The following FILIP1 variants were observed in gnomAD, a reference collection of about 807,000 sequenced individuals.
FILIP1 encodes filamin A interacting protein 1, also known as filamin-A-interacting protein 1.
FILIP1 carries 61 observed loss-of-function variants against 102.1 expected under a neutral mutation model. The ratio of observed to expected loss-of-function variants is 0.60; its 90% CI spans 0.49 to 0.74. The LOEUF (loss-of-function observed/expected upper bound fraction) is 0.74, where lower values mean the gene tolerates loss of function less well. Among genes scored for constraint, FILIP1 ranks in the 30% least tolerant of loss-of-function variants. FILIP1 has a pLI of 0.00. For missense variants in FILIP1, 1,314 were observed against 1,441.2 expected, an observed-to-expected ratio of 0.91 and a Z score of 1.43; for synonymous variants, 491 against 526.9, an observed-to-expected ratio of 0.93 and a Z score of 0.93.
chr6:75,456,716 C>T (rs554494861), intron 1 of FILIP1, among the ~76,000 whole-genome samples: 6 of 152,082 alleles, frequency 3.9e-5, no homozygotes, highest in African/African-American at 7.2e-5. Flanking sequence ...CATGCCACCA[C>T]GCCCAGCTAA....
At chr6:75,305,106 G>T (rs1480924518), downstream of FILIP1, among the ~76,000 whole-genome samples, 1 of 152,106 alleles carries the variant, frequency 6.6e-6, no homozygotes, top group East Asian at 1.9e-4. Context: ...CCAATGATGA[G>T]ACCCTAAAGA....
intron 2 of FILIP1, among the ~76,000 whole-genome samples, chr6:75,405,655 G>A (rs915933651): frequency 1.3e-5 from 2 of 152,170 alleles, no homozygotes; most frequent in Non-Finnish European, 2.9e-5. Context: ...GGGAGGGGAA[G>A]GGCTTCTTAT....
intron 2 of FILIP1, among the ~76,000 whole-genome samples, chr6:75,412,276 G>C (rs1777099560): frequency 6.6e-6 from 1 of 152,164 alleles, no homozygotes; most frequent in Non-Finnish European, 1.5e-5. Flanking sequence ...TGTATCCGGA[G>C]ACTTTGCTGA....
rs149975980 is a variant in FILIP1 at position 75,453,636 on chromosome 6, C to A, written c.-6-38658G>T. On this transcript the variant is annotated intron_variant, in intron 1 of 5. Transcript: ENST00000237172. ...AACCAGCCTGGGCAACATAGCAAGA[C>A]CCCATCTCTACAAAAAATTTAAAAA... Among the ~76,000 whole-genome samples the A allele has an allele frequency of 3.3e-3, 508 of 152,182 alleles. 6 individuals carry two copies. The highest frequency in any genetic ancestry group is 0.012 in the African/African-American group (482 of 41,520).
chr6:75,300,274 C>G (rs1562419331), intron 6 of FILIP1, among the ~76,000 whole-genome samples: 1 of 152,176 alleles, frequency 6.6e-6, no homozygotes, highest in African/African-American at 2.4e-5. Flanking sequence ...CCACAGGAAG[C>G]TGTACACCAA....
At chr6:75,423,793 T>TG (rs1178371468) in intron 1 of FILIP1, among the ~76,000 whole-genome samples, 1 of 152,192 alleles carries the variant, frequency 6.6e-6, no homozygotes, top group Non-Finnish European at 1.5e-5. Flanking sequence ...AACTTTTTGC[T>TG]GGGAAAACAC....
At chr6:75,480,789 C>A (rs1779630464) in intron 1 of FILIP1, among the ~76,000 whole-genome samples, 1 of 152,174 alleles carries the variant, frequency 6.6e-6, no homozygotes, top group Admixed American at 6.5e-5. Context: ...AATTTTCTAG[C>A]CTGCAAGAGG....
intron 1 of FILIP1, among the ~76,000 whole-genome samples, chr6:75,468,259 A>G (rs953116226): frequency 6.6e-6 from 1 of 152,216 alleles, no homozygotes; most frequent in Non-Finnish European, 1.5e-5. Flanking sequence ...TAAAAGATGA[A>G]CACTCAGGAG....
chr6:75,488,228 T>C (rs1779850065), intron 1 of FILIP1, among the ~76,000 whole-genome samples: 1 of 152,150 alleles, frequency 6.6e-6, no homozygotes, highest in South Asian at 2.1e-4. Context: ...ATTACTTCAC[T>C]TCTGTGCTGG....
At chr6:75,407,730 G>A (rs1393935256) in intron 2 of FILIP1, among the ~76,000 whole-genome samples, 1 of 152,058 alleles carries the variant, frequency 6.6e-6, no homozygotes, top group Non-Finnish European at 1.5e-5. Flanking sequence ...TTATACACAG[G>A]CAGAAGGGAG....
At chr6:75,411,140 G>A (rs1249441840) in intron 2 of FILIP1, among the ~76,000 whole-genome samples, 1 of 152,188 alleles carries the variant, frequency 6.6e-6, no homozygotes, top group Non-Finnish European at 1.5e-5. Flanking sequence ...GTATCTCACT[G>A]TGGTTTCGAT....
chr6:75,471,295 A>G lies in FILIP1; in HGVS notation c.-7+22119T>C, dbSNP rs79653348. Among the ~76,000 whole-genome samples, 1,351 of 152,210 alleles carry G rather than the reference A, an allele frequency of 8.9e-3. 50 individuals carry two copies. The East Asian group carries it at 0.12, about 14-fold the overall frequency. On this transcript the variant is annotated intron_variant, in intron 1 of 5. Transcript: ENST00000237172. ...AGGAGAAGGTATTTCAACCTAAATAATAATAAAGGATTAGAATCAATAAAT... is the reference window on the plus strand; with the variant it reads ...AGGAGAAGGTATTTCAACCTAAATAGTAATAAAGGATTAGAATCAATAAAT...
At chr6:75,361,148 C>T (rs1775161284) in intron 3 of FILIP1, among the ~76,000 whole-genome samples, 1 of 152,188 alleles carries the variant, frequency 6.6e-6, no homozygotes, top group Non-Finnish European at 1.5e-5. Flanking sequence ...ATGAAATATG[C>T]CCAGCTTAGC....
At chr6:75,478,791 C>G (rs1035127689) in intron 1 of FILIP1, among the ~76,000 whole-genome samples, 8 of 152,216 alleles carry the variant, frequency 5.3e-5, no homozygotes, top group Non-Finnish European at 4.4e-5. Flanking sequence ...CTTTTAGCAT[C>G]TACCAGTATC....
At chr6:75,490,328 G>T (rs560790684) in intron 1 of FILIP1, among the ~76,000 whole-genome samples, 1 of 152,070 alleles carries the variant, frequency 6.6e-6, no homozygotes, top group East Asian at 1.9e-4. Flanking sequence ...TTCTTTTGTT[G>T]AATACAGAAC....
chr6:75,383,694 A>G (rs1775978544), intron 2 of FILIP1, among the ~76,000 whole-genome samples: 2 of 152,214 alleles, frequency 1.3e-5, no homozygotes, highest in Non-Finnish European at 2.9e-5. Context: ...AAGCACTTAG[A>G]CAAGTAATGG....
intron 1 of FILIP1, among the ~76,000 whole-genome samples, chr6:75,477,822 G>C (rs1382321550): frequency 2.0e-5 from 3 of 152,114 alleles, no homozygotes; most frequent in Non-Finnish European, 4.4e-5. Flanking sequence ...GGCTACAAGA[G>C]ATAATAGGAA....
intron 4 of FILIP1, among the ~76,000 whole-genome samples, chr6:75,333,118 ATTGGT>A (rs1413635538): frequency 5.9e-5 from 9 of 152,204 alleles, no homozygotes; most frequent in Non-Finnish European, 1.3e-4. Context: ...TACATCACTT[ATTGGT>A]GTGTTTTCAT....
At chr6:75,310,297 C>T (rs1773137616) in intron 5 of FILIP1, among the ~76,000 whole-genome samples, 1 of 152,248 alleles carries the variant, frequency 6.6e-6, no homozygotes, top group South Asian at 2.1e-4. Context: ...GTACATACCT[C>T]TATCATAGAA....
Sources: allele counts gnomAD v4.1 joint callset (sites outside exome capture counted in the v4.1 genomes callset), GRCh38; gene constraint gnomAD v4.1.1; transcripts MANE v1.5; gene names NCBI Gene and HGNC (gene_info 2026-07-23, HGNC 2026-07-21).